The following TMEM114 variants were observed in gnomAD, a reference collection of about 807,000 sequenced individuals.
TMEM114 encodes transmembrane protein 114, also known as claudin-26.
A neutral mutation model predicts 6.2 loss-of-function variants in TMEM114; 6 were observed. That is an observed-to-expected ratio of 0.97 (90% CI 0.53 to 1.91). The LOEUF (loss-of-function observed/expected upper bound fraction) is 1.91, where lower values mean the gene tolerates loss of function less well. TMEM114 is among the 40% of genes most tolerant of loss of function. The pLI, the probability that TMEM114 is intolerant of heterozygous loss-of-function variation, is 0.01. For synonymous variants in TMEM114, 104 were observed against 73.0 expected (o/e 1.42, Z -2.16); for missense variants, 218 against 158.3 (o/e 1.38, Z -2.02).
chr16:8,560,190 G>C (rs184315332), intron 2 of TMEM114, among the ~76,000 whole-genome samples: 117 of 152,008 alleles, frequency 7.7e-4, no homozygotes, highest in African/African-American at 2.7e-3. Context: ...TAGAGATGGG[G>C]TCTTGCTATG....
chr16:8,554,851 G>T (rs1398732651), intron 2 of TMEM114, among the ~76,000 whole-genome samples: 2 of 152,332 alleles, frequency 1.3e-5, no homozygotes, highest in Admixed American at 6.5e-5. Context: ...TAAGGATGAG[G>T]AAGTTGAGGG....
At chr16:8,570,803 A>G (rs1901709456) in intron 3 of TMEM114, among the ~76,000 whole-genome samples, 1 of 152,190 alleles carries the variant, frequency 6.6e-6, no homozygotes, top group South Asian at 2.1e-4. Flanking sequence ...CTGACCAGTT[A>G]CACATGGCTA....
At chr16:8,529,893 C>A in the TMEM114 span, among the ~76,000 whole-genome samples, 1 of 152,156 alleles carries the variant, frequency 6.6e-6, no homozygotes, top group East Asian at 1.9e-4. Context: ...ATTTTAGGCT[C>A]TTGGATTTCT....
At chr16:8,567,177 G>T (rs560220598), downstream of TMEM114, among the ~76,000 whole-genome samples, 2 of 152,066 alleles carry the variant, frequency 1.3e-5, no homozygotes, top group African/African-American at 4.8e-5. Flanking sequence ...CCAAAGTGCT[G>T]GGATTACAGG....
In TMEM114 at chr16:8,572,212, G is replaced by T. The variant is rs375060188; in HGVS notation, c.314C>A (p.Thr105Lys). ...SSRQLLTMHG[T>K]FVILLPLSLI... ...GCTGAGCGGCAGCAGAATCACAAAT[G>T]TCCCATGCATGGCTTAGAAGAGACA... The change falls in exon 3 of 4, where the codon ACA becomes AAA. Residue 105 changes from threonine to lysine, a missense_variant. Physicochemically the swap from Thr to Lys is moderately conservative, Grantham distance 78. Transcript: ENST00000620492. 1 of 1,551,670 alleles carries T rather than the reference G, an allele frequency of 6.4e-7. No homozygotes were observed. The highest frequency in any genetic ancestry group is 8.7e-7 in the Non-Finnish European group (1 of 1,146,984).
chr16:8,545,161 G>T (rs138978087), intron 2 of TMEM114, among the ~76,000 whole-genome samples: 3,803 of 152,194 alleles, frequency 0.025, 111 homozygotes, highest in Non-Finnish European at 0.029. Flanking sequence ...TTTTTGGCCA[G>T]GCTCAATGGC....
intron 2 of TMEM114, among the ~76,000 whole-genome samples, chr16:8,587,119 CTTTT>C (rs1255388228): frequency 1.3e-5 from 2 of 148,962 alleles, no homozygotes; most frequent in African/African-American, 4.9e-5. Flanking sequence ...CAAACCAGGG[CTTTT>C]TTTTTTCTTT....
intron 2 of TMEM114, among the ~76,000 whole-genome samples, chr16:8,561,238 G>T (rs963580998): frequency 2.0e-5 from 3 of 152,212 alleles, no homozygotes; most frequent in Admixed American, 1.3e-4. Flanking sequence ...CTTGCCTATA[G>T]CACAGTCTTG....
chr16:8,582,637 C>T (rs914901180), intron 2 of TMEM114, among the ~76,000 whole-genome samples: 2 of 152,184 alleles, frequency 1.3e-5, no homozygotes, highest in South Asian at 2.1e-4. Context: ...TGCCTGTAAT[C>T]CCAGCACTTT....
rs189985564 is a variant in TMEM114 at position 8,561,416 on chromosome 16, C to T, written n.213-23590G>A. Among the ~76,000 whole-genome samples the T allele has an allele frequency of 3.2e-3, 495 of 152,358 alleles. 4 individuals are homozygous for T. The highest frequency in any genetic ancestry group is 6.2e-3 in the Non-Finnish European group (419 of 68,042). On this transcript the variant is annotated intron_variant and non_coding_transcript_variant, in intron 2 of 2. Coordinates refer to the TMEM114 transcript ENST00000623677. ...TTACCAGGAAGCATACCCCGCATTC[C>T]ACCAGCCATGTTTACTGTCTGTCAT...
intron 3 of TMEM114, 98 bp from the exon 4 acceptor site, chr16:8,570,103 A>G: frequency 1.4e-6 from 2 of 1,440,286 alleles, no homozygotes; most frequent in Non-Finnish European, 1.9e-6. Context: ...CTCAGCGTCC[A>G]GCGTCCTCGC....
chr16:8,552,773 G>A (rs1027832745), intron 2 of TMEM114, among the ~76,000 whole-genome samples: 1 of 150,906 alleles, frequency 6.6e-6, no homozygotes, highest in Non-Finnish European at 1.5e-5. Flanking sequence ...CTAACTCAGG[G>A]ACCCTGGCCT....
downstream of TMEM114, among the ~76,000 whole-genome samples, chr16:8,567,186 G>A (rs936867588): frequency 6.6e-6 from 1 of 152,008 alleles, no homozygotes; most frequent in African/African-American, 2.4e-5. Context: ...TGGGATTACA[G>A]GCATGAGCCA....
chr16:8,559,563 G>C (rs889453181), intron 2 of TMEM114, among the ~76,000 whole-genome samples: 1 of 152,224 alleles, frequency 6.6e-6, no homozygotes, highest in African/African-American at 2.4e-5. Context: ...GCGGATAGGG[G>C]AGTCGGCTTT....
Position 8,554,679 on chromosome 16 carries a change from CA to C in TMEM114, n.213-16854del, listed in dbSNP as rs1184714702. On this transcript the variant is annotated intron_variant and non_coding_transcript_variant, in intron 2 of 2. Transcript: ENST00000623677. ...GTTAATTAAGCCCAAGGAGTGAGGC[CA>C]GGTTCAAAATCCTGGAAATGAGTCA... Among the ~76,000 whole-genome samples the C allele has an allele frequency of 2.4e-5, 3 of 123,690 alleles. No homozygotes were observed. In the Admixed American group the frequency reaches 2.5e-4, roughly 10 times the overall value. The allele number at this position is 123,690 out of a possible 152,430, so 81.1% of individuals were successfully genotyped here. A position where few individuals can be genotyped will look rare whatever the true frequency, so the allele number is the denominator to read the frequency against.
At chr16:8,541,521 C>A (rs61285389) in intron 2 of TMEM114, among the ~76,000 whole-genome samples, 6,004 of 152,230 alleles carry the variant, frequency 0.039, 155 homozygotes, top group Middle Eastern at 0.099. Flanking sequence ...TCAGTGTAAC[C>A]AGGAGATCAT....
downstream of TMEM114, among the ~76,000 whole-genome samples, chr16:8,533,096 T>G (rs1900262664): frequency 6.6e-6 from 1 of 151,834 alleles, no homozygotes; most frequent in African/African-American, 2.4e-5. Context: ...GTAGTAAAAG[T>G]CCAAAGCTTA....
chr16:8,590,504 C>G lies in TMEM114; in HGVS notation c.-666G>C, dbSNP rs949016626. On this transcript the variant is annotated 5_prime_UTR_variant, in exon 1 of 4. Transcript: ENST00000620492. ...AGCCCTCCTCCTCGCCGAGGAAAAG[C>G]TCGGAGTGCGCACGCAGCATGGACG... is the stretch of plus-strand genomic sequence containing the variant. 1.2e-4 allele frequency among the ~76,000 whole-genome samples: 19 copies of G among 152,196 alleles called. No individual in the cohort carries two copies. Among genetic ancestry groups the G allele is most frequent in the African/African-American group, 4.3e-4 (18 of 41,444 alleles).
chr16:8,542,525 A>G (rs1253204048), intron 2 of TMEM114, among the ~76,000 whole-genome samples: 1 of 152,172 alleles, frequency 6.6e-6, no homozygotes, highest in Non-Finnish European at 1.5e-5. Context: ...CCTGCTTTTC[A>G]AAAATTCTAA....
Sources: gnomAD v4.1 joint callset for allele counts (sites outside exome capture counted in the v4.1 genomes callset) on GRCh38, gnomAD v4.1.1 for gene constraint, MANE v1.5 for transcripts, NCBI Gene and HGNC (gene_info 2026-07-23, HGNC 2026-07-21) for gene names.